Variants in MCTP1 observed in about 807,000 individuals in gnomAD.
MCTP1 encodes the protein multiple C2 and transmembrane domain-containing protein 1.
MCTP1 carries 69 observed loss-of-function variants against 120.6 expected under a neutral mutation model. That is an observed-to-expected ratio of 0.57 (90% CI 0.47 to 0.70). The LOEUF (loss-of-function observed/expected upper bound fraction) is 0.70. MCTP1 is among the 30% of genes least tolerant of loss of function. The pLI is 0.00. For synonymous variants in MCTP1, 529 were observed against 493.1 expected (o/e 1.07, Z -0.96); for missense variants, 1,203 against 1,248.8 (o/e 0.96, Z 0.55).
chr5:95,186,749 C>T (rs1749251102), intron 1 of MCTP1, among the ~76,000 whole-genome samples: 1 of 152,078 alleles, frequency 6.6e-6, no homozygotes, highest in Admixed American at 6.5e-5. Flanking sequence ...TTTAATAAGG[C>T]TTACATTATT....
intron 1 of MCTP1, among the ~76,000 whole-genome samples, chr5:95,279,600 T>C (rs113978996): frequency 0.01 from 1,568 of 152,366 alleles, 17 homozygotes; most frequent in African/African-American, 0.035. Context: ...CAGCAGCAAT[T>C]GCTAATGTTT....
chr5:95,212,934 T>C (rs929964911), intron 1 of MCTP1, among the ~76,000 whole-genome samples: 23 of 152,130 alleles, frequency 1.5e-4, no homozygotes, highest in Admixed American at 1.0e-3. Flanking sequence ...ACTGGAAGCA[T>C]TCCCTTTGAA....
chr5:94,827,149 T>G (rs570543488), intron 17 of MCTP1, among the ~76,000 whole-genome samples: 4 of 152,206 alleles, frequency 2.6e-5, no homozygotes, highest in Non-Finnish European at 5.9e-5. Context: ...CAGGAGCTCA[T>G]GTAAGGCAGA....
chr5:95,029,441 A>G (rs970936426), intron 1 of MCTP1, among the ~76,000 whole-genome samples: 3 of 152,192 alleles, frequency 2.0e-5, no homozygotes, highest in Admixed American at 1.3e-4. Flanking sequence ...ATTGGATGCT[A>G]GTTCTCCTCA....
intron 1 of MCTP1, among the ~76,000 whole-genome samples, chr5:95,114,530 C>A (rs1372063231): frequency 6.6e-6 from 1 of 152,118 alleles, no homozygotes; most frequent in African/African-American, 2.4e-5. Flanking sequence ...TCCATGTGGG[C>A]CTGTGGTATT....
At chr5:94,887,155 T>G (rs976041637) in intron 12 of MCTP1, among the ~76,000 whole-genome samples, 9 of 152,020 alleles carry the variant, frequency 5.9e-5, no homozygotes, top group African/African-American at 2.2e-4. Context: ...TCTCTAAAAG[T>G]GGAGGAAAAA....
chr5:94,826,615 C>G (rs1041753754), intron 17 of MCTP1: 1 of 784,672 alleles, frequency 1.3e-6, no homozygotes. Flanking sequence ...TGATCTTCAG[C>G]TCTGCAAAAT....
chr5:95,216,212 A>C (rs1753015446), intron 1 of MCTP1, among the ~76,000 whole-genome samples: 1 of 152,196 alleles, frequency 6.6e-6, no homozygotes, highest in Non-Finnish European at 1.5e-5. Flanking sequence ...ACCTAAAAAC[A>C]GTCTTGACTT....
At chr5:95,237,133 T>C (rs1157481447) in intron 1 of MCTP1, among the ~76,000 whole-genome samples, 1 of 152,156 alleles carries the variant, frequency 6.6e-6, no homozygotes, top group Non-Finnish European at 1.5e-5. Context: ...CCACATCCTC[T>C]CTGGATTGGC....
At chr5:95,147,480 G>C (rs1760502748) in intron 1 of MCTP1, among the ~76,000 whole-genome samples, 1 of 152,136 alleles carries the variant, frequency 6.6e-6, no homozygotes, top group Non-Finnish European at 1.5e-5. Flanking sequence ...CTTGATAGTT[G>C]TTGGTTTAAA....
intron 1 of MCTP1, among the ~76,000 whole-genome samples, chr5:95,197,376 A>C (rs1230782739): frequency 6.6e-6 from 1 of 152,198 alleles, no homozygotes; most frequent in Non-Finnish European, 1.5e-5. Context: ...TTCTATAGAA[A>C]TCCCCACTTA....
intron 1 of MCTP1, among the ~76,000 whole-genome samples, chr5:95,246,480 CA>C (rs553274900): frequency 7.0e-5 from 10 of 142,876 alleles, no homozygotes; most frequent in Non-Finnish European, 7.7e-5. Flanking sequence ...AAATGGAAAG[CA>C]AAAAAAAAAT....
At chr5:95,160,442 A>G (rs924031674) in intron 1 of MCTP1, among the ~76,000 whole-genome samples, 3 of 152,312 alleles carry the variant, frequency 2.0e-5, no homozygotes, top group East Asian at 3.9e-4. Context: ...AACATTTGCC[A>G]TGTTCTAGGC....
At chr5:94,851,191 A>G (rs1378574797) in intron 17 of MCTP1, among the ~76,000 whole-genome samples, 1 of 152,114 alleles carries the variant, frequency 6.6e-6, no homozygotes, top group African/African-American at 2.4e-5. Flanking sequence ...GCAGATCTTT[A>G]AAACTATAAG....
intron 1 of MCTP1, among the ~76,000 whole-genome samples, chr5:95,089,488 T>C (rs1755685003): frequency 1.3e-5 from 2 of 152,226 alleles, no homozygotes; most frequent in African/African-American, 4.8e-5. Context: ...TGTCAACTTT[T>C]ATTAAGAATA....
At chr5:94,796,977 C>A (rs1780222117) in intron 18 of MCTP1, among the ~76,000 whole-genome samples, 1 of 151,738 alleles carries the variant, frequency 6.6e-6, no homozygotes, top group African/African-American at 2.4e-5. Flanking sequence ...GTGGGTTGTG[C>A]TGGGGAAGAA....
At chr5:94,901,837 G>T (rs1251844940) in intron 10 of MCTP1, among the ~76,000 whole-genome samples, 1 of 152,120 alleles carries the variant, frequency 6.6e-6, no homozygotes, top group Non-Finnish European at 1.5e-5. Context: ...GGGTGTGTTC[G>T]TATGAGTCCC....
At chr5:95,179,585 T>C (rs1171103373) in intron 1 of MCTP1, among the ~76,000 whole-genome samples, 2 of 152,160 alleles carry the variant, frequency 1.3e-5, no homozygotes, top group African/African-American at 4.8e-5. Flanking sequence ...CTAGGCTTCA[T>C]AAATGAAGGA....
chr5:94,847,682 G>GTGTATATATATA (rs1169588105), intron 17 of MCTP1, among the ~76,000 whole-genome samples: 2 of 102,404 alleles, frequency 2.0e-5, no homozygotes, highest in African/African-American at 7.7e-5. Flanking sequence ...GTGTGTGTGT[G>GTGTATATATATA]TATATATATA....
Sources: allele counts gnomAD v4.1 joint callset (sites outside exome capture counted in the v4.1 genomes callset), GRCh38; gene constraint gnomAD v4.1.1; transcripts MANE v1.5; gene names NCBI Gene and HGNC (gene_info 2026-07-23, HGNC 2026-07-21).